CHLSN: variants seen among roughly 807,000 people sequenced by gnomAD.
CHLSN encodes protein cholesin.
At chr7:1,079,236 G>A in the CHLSN span, among the ~76,000 whole-genome samples, 3 of 152,248 alleles carry the variant, frequency 2.0e-5, no homozygotes, top group Admixed American at 6.5e-5. Context: ...GGACACACCT[G>A]AGGCTGCGGA....
chr7:1,135,180 G>A, the CHLSN span, among the ~76,000 whole-genome samples: 2 of 152,092 alleles, frequency 1.3e-5, no homozygotes, highest in Non-Finnish European at 2.9e-5. Context: ...CCCAGGCTTA[G>A]TGCTCAGCCT....
At chr7:1,124,329 G>A in the CHLSN span, among the ~76,000 whole-genome samples, 6 of 151,842 alleles carry the variant, frequency 4.0e-5, no homozygotes, top group South Asian at 1.3e-3. Context: ...GGCTGGAGGA[G>A]GGTTCACCAA....
chr7:1,000,661 G>T, the CHLSN span: 1 of 826,130 alleles, frequency 1.2e-6, no homozygotes, highest in Non-Finnish European at 1.9e-6. Context: ...GCCCCACCAG[G>T]TACTACACAC....
chr7:1,131,193 A>G, the CHLSN span, among the ~76,000 whole-genome samples: 1 of 660 alleles, frequency 1.5e-3, no homozygotes, highest in South Asian at 0.1. Context: ...CTTGTGTTTA[A>G]AAAAAAAAAA....
chr7:1,013,422 G>A, the CHLSN span, among the ~76,000 whole-genome samples: 1 of 152,176 alleles, frequency 6.6e-6, no homozygotes, highest in Non-Finnish European at 1.5e-5. Context: ...CCCTTCTAGG[G>A]ACTTGAGTTT....
At chr7:1,133,407 A>AC in the CHLSN span, among the ~76,000 whole-genome samples, 2 of 151,678 alleles carry the variant, frequency 1.3e-5, no homozygotes, top group Middle Eastern at 3.4e-3. Flanking sequence ...AAAAAAAAAA[A>AC]AAAAAACTAT....
At chr7:1,016,852 G>GCACCACA in the CHLSN span, among the ~76,000 whole-genome samples, 86 of 89,926 alleles carry the variant, frequency 9.6e-4, 4 homozygotes, top group Middle Eastern at 5.5e-3. Context: ...CCAGCACACA[G>GCACCACA]CAGCACACAG....
the CHLSN span, among the ~76,000 whole-genome samples, chr7:1,023,624 AACACACACACACACACACAC>A: frequency 0.031 from 3,849 of 122,366 alleles, 85 homozygotes; most frequent in African/African-American, 0.065. The surrounding 1 kb of genome is among the most constrained non-coding windows in gnomAD (Gnocchi z 5.0). Flanking sequence ...CCTCCCAGGA[AACACACACACACACACACAC>A]ACACACACAC....
chr7:1,112,054 T>C, the CHLSN span, among the ~76,000 whole-genome samples: 1 of 152,256 alleles, frequency 6.6e-6, no homozygotes, highest in Non-Finnish European at 1.5e-5. Flanking sequence ...ATTACTTTTT[T>C]AAAATTACAT....
the CHLSN span, among the ~76,000 whole-genome samples, chr7:1,113,619 T>G: frequency 2.7e-4 from 41 of 152,226 alleles, no homozygotes; most frequent in African/African-American, 9.6e-4. Flanking sequence ...CATCTCACGC[T>G]CCACAGGACT....
the CHLSN span, among the ~76,000 whole-genome samples, chr7:1,059,742 TC>T: frequency 2.9e-5 from 3 of 103,292 alleles, no homozygotes; most frequent in Admixed American, 1.0e-4. Context: ...GGGGGGCGGG[TC>T]CGTAGTGAGG....
the CHLSN span, among the ~76,000 whole-genome samples, chr7:1,103,956 C>T: frequency 6.6e-6 from 1 of 152,282 alleles, no homozygotes; most frequent in African/African-American, 2.4e-5. Context: ...CAGCGCTGGC[C>T]CCTGCCCAGG....
At chr7:1,091,521 G>A in the CHLSN span, 2 of 557,624 alleles carry the variant, frequency 3.6e-6, no homozygotes, top group Non-Finnish European at 3.2e-6. Context: ...CACCATGCCG[G>A]TGTGAGGAGC....
At chr7:1,071,256 A>T in the CHLSN span, among the ~76,000 whole-genome samples, 1 of 152,278 alleles carries the variant, frequency 6.6e-6, no homozygotes. Context: ...TGGCAAGAAA[A>T]GCAAGCGAGA....
chr7:1,097,484 A>G, the CHLSN span, among the ~76,000 whole-genome samples: 2 of 152,006 alleles, frequency 1.3e-5, no homozygotes, highest in Non-Finnish European at 2.9e-5. The surrounding 1 kb of genome is among the most constrained non-coding windows in gnomAD (Gnocchi z 4.3). Flanking sequence ...CAGACCTAAT[A>G]TAATTTAAAT....
At chr7:1,002,199 T>A in the CHLSN span, among the ~76,000 whole-genome samples, 101 of 64,536 alleles carry the variant, frequency 1.6e-3, 2 homozygotes, top group South Asian at 3.3e-3. Flanking sequence ...GGGTGGGGAG[T>A]CCTGTGGGTG....
chr7:1,025,093 T>C, the CHLSN span: 3 of 152,198 alleles, frequency 2.0e-5, no homozygotes, highest in Admixed American at 2.0e-4. Flanking sequence ...AACAACTCAG[T>C]CCTGACTGCT....
chr7:1,105,241 A>C, the CHLSN span, among the ~76,000 whole-genome samples: 1 of 152,222 alleles, frequency 6.6e-6, no homozygotes, highest in East Asian at 1.9e-4. Context: ...CAGCAATTTC[A>C]ATATGGTGAC....
At chr7:1,115,657 A>T in the CHLSN span, among the ~76,000 whole-genome samples, 6 of 114,712 alleles carry the variant, frequency 5.2e-5, no homozygotes, top group African/African-American at 2.0e-4. Context: ...ACATCACTAC[A>T]GCTCTAGGAC....
Sources: gnomAD v4.1 joint callset for allele counts (sites outside exome capture counted in the v4.1 genomes callset) on GRCh38, gnomAD v4.1.1 for gene constraint, Gnocchi (gnomAD v3.1) non-coding constraint, MANE v1.5 for transcripts, NCBI Gene and HGNC (gene_info 2026-07-23, HGNC 2026-07-21) for gene names.